Variants in IFFO2 observed in about 807,000 individuals in gnomAD.
The protein encoded by IFFO2 is intermediate filament family orphan 2.
In IFFO2, 19 loss-of-function variants were observed where a neutral mutation model predicts 53.5. The observed-to-expected ratio is 0.36, with a 90% CI of 0.25 to 0.52. The LOEUF is 0.52. Ranked by LOEUF, IFFO2 falls within the 20% of genes least tolerant of loss-of-function variation. The pLI is 0.94. For synonymous variants in IFFO2, 303 were observed against 313.6 expected, an observed-to-expected ratio of 0.97 and a Z score of 0.36; for missense variants, 570 against 727.4, an observed-to-expected ratio of 0.78 and a Z score of 2.49.
intron 1 of IFFO2, among the ~76,000 whole-genome samples, chr1:18,929,348 G>T (rs931439547): frequency 6.6e-6 from 1 of 152,180 alleles, no homozygotes; most frequent in Non-Finnish European, 1.5e-5. Flanking sequence ...TACCCACCTG[G>T]GGGAGGGAGG....
chr1:18,915,950 C>A (rs1326872575), intron 5 of IFFO2, among the ~76,000 whole-genome samples: 5 of 152,058 alleles, frequency 3.3e-5, no homozygotes, highest in African/African-American at 1.2e-4. Flanking sequence ...CGTGGTAAAA[C>A]CCTGCCTCTA....
At chr1:18,946,599 T>G (rs560002442) in intron 1 of IFFO2, among the ~76,000 whole-genome samples, 9 of 151,814 alleles carry the variant, frequency 5.9e-5, no homozygotes, top group Non-Finnish European at 1.0e-4. Context: ...GTATTTTTTT[T>G]GTAGAGACAG....
chr1:18,925,791 ATGGATGGATGGATTGGT>A, intron 1 of IFFO2, among the ~76,000 whole-genome samples: 1 of 135,902 alleles, frequency 7.4e-6, no homozygotes, highest in East Asian at 2.2e-4. Flanking sequence ...GATTGGTTGG[ATGGATGGATGGATTGGT>A]TGGATGGATG....
At position 18,947,008 on chromosome 1, in the gene IFFO2, G is replaced by A. The variant is rs1301034611; in HGVS notation, c.665+8660C>T. On this transcript the variant is annotated intron_variant, in intron 1 of 8. Coordinates refer to ENST00000455833, the MANE Select transcript of IFFO2 (RefSeq NM_001136265.2). The surrounding 1 kb of genome is among the most constrained non-coding windows in gnomAD (Gnocchi z 5.0). ...CTGTTGTCACATGATGCTGCCACATGGCATGACACATTTGTCTATGTCCCC... is the reference window on the plus strand; with the variant it reads ...CTGTTGTCACATGATGCTGCCACATAGCATGACACATTTGTCTATGTCCCC... 1.3e-5 allele frequency among the ~76,000 whole-genome samples: 2 copies of A among 152,214 alleles called. No homozygotes were observed. The highest frequency in any genetic ancestry group is 2.9e-5 in the Non-Finnish European group (2 of 68,034).
In IFFO2 at chr1:18,949,987, G is replaced by A. The variant is rs574225656; in HGVS notation, c.665+5681C>T. On this transcript the variant is annotated intron_variant, in intron 1 of 8. Coordinates refer to ENST00000455833, the MANE Select transcript of IFFO2 (RefSeq NM_001136265.2). ...CCCTCCCTCTAGCTTGAGGCTCTGA[G>A]AATCGCTCCCAAATTTGTCCCCAGT... Among the ~76,000 whole-genome samples, 511 of 152,336 alleles carry A rather than the reference G, an allele frequency of 3.4e-3. 3 individuals carry two copies. Among genetic ancestry groups the A allele is most frequent in the Admixed American group, 4.4e-3 (68 of 15,304 alleles).
chr1:18,926,885 C>T (rs1032063570), intron 1 of IFFO2, among the ~76,000 whole-genome samples: 1 of 152,136 alleles, frequency 6.6e-6, no homozygotes. Context: ...GCTCGAGGCT[C>T]CCGCTCAGGA....
intron 1 of IFFO2, among the ~76,000 whole-genome samples, chr1:18,948,312 T>G (rs1936615788): frequency 6.6e-6 from 1 of 152,344 alleles, no homozygotes; most frequent in Non-Finnish European, 1.5e-5. Flanking sequence ...AGAGATTAAA[T>G]GGCATGCACA....
intron 1 of IFFO2, among the ~76,000 whole-genome samples, chr1:18,927,623 AC>A (rs1409249380): frequency 1.3e-5 from 2 of 152,258 alleles, no homozygotes; most frequent in African/African-American, 4.8e-5. Context: ...CTGCAGATGC[AC>A]AGAGGCATCC....
chr1:18,941,988 G>A (rs1416437450), intron 1 of IFFO2, among the ~76,000 whole-genome samples: 1 of 152,260 alleles, frequency 6.6e-6, no homozygotes, highest in East Asian at 1.9e-4. Flanking sequence ...GTCTGCTCGA[G>A]AAGAGAGGGG....
At chr1:18,923,562 A>C (rs1429825449) in intron 1 of IFFO2, among the ~76,000 whole-genome samples, 3 of 152,162 alleles carry the variant, frequency 2.0e-5, no homozygotes, top group Non-Finnish European at 4.4e-5. Flanking sequence ...CTTGAATGTG[A>C]ATTATTAACC....
In IFFO2 at chr1:18,908,549, G is replaced by C. The variant is rs1254294288; in HGVS notation, c.*12C>G. 6.5e-7 allele frequency: 1 copy of C among 1,543,662 alleles called. No homozygotes were observed. The highest frequency in any genetic ancestry group is 1.2e-5 in the South Asian group (1 of 83,900). On this transcript the variant is annotated 3_prime_UTR_variant, in exon 9 of 9. Coordinates refer to ENST00000455833, the MANE Select transcript of IFFO2 (RefSeq NM_001136265.2). ...CATCACCAAGACCACCAGGCTCGCA[G>C]GGCCTCAGTCATCAGCTGACCATGG...
intron 1 of IFFO2, among the ~76,000 whole-genome samples, chr1:18,926,151 A>ATTGGT: frequency 6.6e-6 from 1 of 150,882 alleles, no homozygotes; most frequent in African/African-American, 2.5e-5. Flanking sequence ...GGATGGATGG[A>ATTGGT]TCCAAAGCTG....
rs1229673395 is a variant in IFFO2, at chr1:18,918,046, G to A, written c.963+316C>T. On this transcript the variant is annotated intron_variant, in intron 4 of 8. Transcript: ENST00000455833. The surrounding 1 kb of genome is among the most constrained non-coding windows in gnomAD (Gnocchi z 5.2). The stretch of plus-strand genomic sequence containing the variant: ...GGCAGGAAGCGGGACAATGGGTACA[G>A]TGTGGGCTGGTGAACCAAGCCCTGG... Among the ~76,000 whole-genome samples, 23 of 152,256 alleles carry A rather than the reference G, an allele frequency of 1.5e-4. No individual in the cohort carries two copies. The highest frequency in any genetic ancestry group is 1.5e-3 in the Admixed American group (23 of 15,292).
chr1:18,935,223 C>T (rs1045026446), intron 1 of IFFO2, among the ~76,000 whole-genome samples: 2 of 152,342 alleles, frequency 1.3e-5, no homozygotes, highest in African/African-American at 2.4e-5. Context: ...TACTGTTCTT[C>T]CTCACCAGTG....
chr1:18,930,320 G>A (rs953924030), intron 1 of IFFO2, among the ~76,000 whole-genome samples: 7 of 152,172 alleles, frequency 4.6e-5, no homozygotes, highest in Admixed American at 6.5e-5. Context: ...GGACCACATC[G>A]TAAGTGAGGG....
At chr1:18,923,265 C>A (rs138710490) in intron 1 of IFFO2, among the ~76,000 whole-genome samples, 312 of 152,348 alleles carry the variant, frequency 2.0e-3, no homozygotes, top group Middle Eastern at 0.01. Flanking sequence ...CTCCCCATTC[C>A]CCAGAGGGGC....
chr1:18,919,523 C>T lies in IFFO2; in HGVS notation c.822+155G>A, dbSNP rs1385749543. On this transcript the variant is annotated intron_variant, in intron 3 of 8. Transcript: ENST00000455833. The surrounding 1 kb of genome is among the most constrained non-coding windows in gnomAD (Gnocchi z 4.9). ...GGGCGGGAGGAGGGTGCCTGGTCTCCGATGCATCCAATGCATCCGTCATCC... is the reference window on the plus strand; with the variant it reads ...GGGCGGGAGGAGGGTGCCTGGTCTCTGATGCATCCAATGCATCCGTCATCC... Among the ~76,000 whole-genome samples, 2 of 152,082 alleles carry T rather than the reference C, an allele frequency of 1.3e-5. No homozygotes were observed. The highest frequency in any genetic ancestry group is 2.9e-5 in the Non-Finnish European group (2 of 68,010).
In IFFO2 at chr1:18,955,675, T is replaced by C; in HGVS notation, c.658A>G (p.Lys220Glu). 6.3e-7 allele frequency: 1 copy of C among 1,583,386 alleles called. No individual in the cohort carries two copies. The highest frequency in any genetic ancestry group is 1.1e-5 in the South Asian group (1 of 87,932). ...AKVKRERDEY[K>E]RRWEEELAKR... ...GGAGGGGCGGCCACTCACCTCCGCT[T>C]ATACTCGTCGCGCTCGCGCTTCACC... The change falls in exon 1 of 9, where the codon AAG (lysine) becomes GAG (glutamate). Residue 220 changes from lysine to glutamate, a missense_variant. Coordinates refer to ENST00000455833, the MANE Select transcript of IFFO2 (RefSeq NM_001136265.2).
intron 8 of IFFO2, among the ~76,000 whole-genome samples, chr1:18,910,065 C>T (rs1160360447): frequency 6.6e-6 from 1 of 152,188 alleles, no homozygotes; most frequent in East Asian, 1.9e-4. Flanking sequence ...ACTGGCCCCA[C>T]CGTCTTGCAC....
Sources: gnomAD v4.1 joint callset for allele counts (sites outside exome capture counted in the v4.1 genomes callset) on GRCh38, gnomAD v4.1.1 for gene constraint, Gnocchi (gnomAD v3.1) non-coding constraint, MANE v1.5 for transcripts, NCBI Gene and HGNC (gene_info 2026-07-23, HGNC 2026-07-21) for gene names.